Variants in MAGI1 observed in about 807,000 individuals in gnomAD.
The protein encoded by MAGI1 is membrane-associated guanylate kinase, WW and PDZ domain-containing protein 1.
Under a neutral mutation model 139.9 loss-of-function variants are expected in MAGI1, and 58 were observed. The ratio of observed to expected loss-of-function variants is 0.41; its 90% CI spans 0.34 to 0.52. The LOEUF is 0.52. MAGI1 is among the 20% of genes least tolerant of loss of function. The pLI is 0.12. For synonymous variants in MAGI1, 812 were observed against 737.9 expected (o/e 1.10, Z -1.63); for missense variants, 1,874 against 1,901.6 (o/e 0.99, Z 0.27).
intron 2 of MAGI1, among the ~76,000 whole-genome samples, chr3:65,495,957 A>G (rs1180200299): frequency 1.3e-5 from 2 of 152,198 alleles, no homozygotes; most frequent in African/African-American, 4.8e-5. Flanking sequence ...TAGGCCATAG[A>G]AAACACTTCA....
At chr3:65,846,944 C>T (rs6796918) in intron 1 of MAGI1, among the ~76,000 whole-genome samples, 87,922 of 143,196 alleles carry the variant, frequency 0.61, 29,325 homozygotes, top group African/African-American at 0.89. Context: ...ATTGACTTGT[C>T]CTTTCAGATT....
intron 1 of MAGI1, among the ~76,000 whole-genome samples, chr3:65,710,042 C>A (rs548197333): frequency 2.6e-5 from 4 of 152,262 alleles, no homozygotes; most frequent in South Asian, 4.1e-4. Context: ...AAGCTTTTGA[C>A]TTCTGAAAGT....
intron 13 of MAGI1, among the ~76,000 whole-genome samples, chr3:65,399,402 A>G (rs914080206): frequency 1.2e-4 from 18 of 152,330 alleles, no homozygotes; most frequent in African/African-American, 4.1e-4. Context: ...CTGATCACAG[A>G]TGTTAGCAGC....
intron 1 of MAGI1, among the ~76,000 whole-genome samples, chr3:65,982,268 C>A (rs980110348): frequency 1.3e-5 from 2 of 152,166 alleles, no homozygotes; most frequent in African/African-American, 4.8e-5. Flanking sequence ...CTGAGACTGG[C>A]CTGGGGTTTT....
chr3:65,371,932 C>G (rs893339291), intron 18 of MAGI1: 1 of 446,616 alleles, frequency 2.2e-6, no homozygotes, highest in African/African-American at 2.0e-5. Context: ...ACTTCTGCAG[C>G]TTCTTCCTCC....
At chr3:65,458,715 T>C (rs1472572459) in intron 5 of MAGI1, among the ~76,000 whole-genome samples, 2 of 152,200 alleles carry the variant, frequency 1.3e-5, no homozygotes, top group African/African-American at 4.8e-5. Flanking sequence ...TATTAATCCC[T>C]TGTCAGATGG....
chr3:65,491,571 A>G (rs950815137), intron 3 of MAGI1, among the ~76,000 whole-genome samples: 3 of 152,110 alleles, frequency 2.0e-5, no homozygotes, highest in African/African-American at 7.2e-5. Context: ...CTGATTGCAG[A>G]TGAGGACATT....
intron 13 of MAGI1, among the ~76,000 whole-genome samples, chr3:65,393,713 T>C (rs147160774): frequency 6.6e-6 from 1 of 152,134 alleles, no homozygotes; most frequent in African/African-American, 2.4e-5. Flanking sequence ...CCAGATTGAT[T>C]CCAGGGTCGG....
At chr3:65,553,657 AAG>A (rs1193788294) in intron 2 of MAGI1, among the ~76,000 whole-genome samples, 1 of 152,198 alleles carries the variant, frequency 6.6e-6, no homozygotes, top group Non-Finnish European at 1.5e-5. Flanking sequence ...ATGAATAAAT[AAG>A]AGTCCAAAAG....
intron 2 of MAGI1, among the ~76,000 whole-genome samples, chr3:65,547,372 C>A (rs181960668): frequency 2.5e-3 from 388 of 152,292 alleles, no homozygotes; most frequent in African/African-American, 8.3e-3. Flanking sequence ...CTGATAATAT[C>A]TGCTTATAAA....
At chr3:65,729,119 ACGG>A (rs2033923387) in intron 1 of MAGI1, among the ~76,000 whole-genome samples, 1 of 8,280 alleles carries the variant, frequency 1.2e-4, no homozygotes, top group Admixed American at 2.0e-3. Flanking sequence ...AAAAAATGGA[ACGG>A]GGGGGGGGGG....
At chr3:65,805,500 T>A (rs1372447931) in intron 1 of MAGI1, among the ~76,000 whole-genome samples, 1 of 152,170 alleles carries the variant, frequency 6.6e-6, no homozygotes, top group Non-Finnish European at 1.5e-5. Context: ...GGAACACAAA[T>A]TAGTTCAACC....
chr3:65,612,070 C>T (rs1470709874), intron 2 of MAGI1, among the ~76,000 whole-genome samples: 1 of 152,016 alleles, frequency 6.6e-6, no homozygotes, highest in East Asian at 1.9e-4. Context: ...GATCTATCAA[C>T]ATAGTAACAA....
chr3:65,414,837 G>C (rs1468917806), intron 12 of MAGI1, among the ~76,000 whole-genome samples: 2 of 149,648 alleles, frequency 1.3e-5, no homozygotes, highest in Admixed American at 6.7e-5. Flanking sequence ...GATCAACATG[G>C]AGAAACCCCG....
chr3:65,707,593 G>A (rs1245797965), intron 1 of MAGI1, among the ~76,000 whole-genome samples: 1 of 150,408 alleles, frequency 6.6e-6, no homozygotes, highest in African/African-American at 2.5e-5. Context: ...GGGAGGCTGA[G>A]GTGGGAGGAC....
chr3:65,854,450 T>G (rs1429071672), intron 1 of MAGI1, among the ~76,000 whole-genome samples: 1 of 152,200 alleles, frequency 6.6e-6, no homozygotes, highest in East Asian at 1.9e-4. Flanking sequence ...ATAATGTGCC[T>G]CCATCTCTCC....
intron 12 of MAGI1, among the ~76,000 whole-genome samples, chr3:65,408,197 G>A (rs1042804373): frequency 6.6e-6 from 1 of 152,122 alleles, no homozygotes; most frequent in African/African-American, 2.4e-5. Context: ...CCTAGGGTGA[G>A]ATTTACTTTA....
At chr3:65,549,090 G>C (rs2079675403) in intron 2 of MAGI1, among the ~76,000 whole-genome samples, 2 of 152,126 alleles carry the variant, frequency 1.3e-5, no homozygotes, top group Admixed American at 6.5e-5. Flanking sequence ...CCCCTGCTCG[G>C]GCCCTGCGCT....
intron 1 of MAGI1, 94 bp from the exon 2 acceptor site, chr3:65,622,182 G>T: frequency 1.1e-6 from 1 of 884,098 alleles, no homozygotes; most frequent in Non-Finnish European, 1.9e-6. Context: ...GCCACAGGAT[G>T]CAGTTCTAGC....
Sources: gnomAD v4.1 joint callset for allele counts (sites outside exome capture counted in the v4.1 genomes callset) on GRCh38, gnomAD v4.1.1 for gene constraint, MANE v1.5 for transcripts, NCBI Gene and HGNC (gene_info 2026-07-23, HGNC 2026-07-21) for gene names.